Variants in SOS1 observed in about 807,000 individuals in gnomAD.
The protein encoded by SOS1 is SOS Ras/Rac guanine nucleotide exchange factor 1, also known as son of sevenless homolog 1.
In SOS1, 25 loss-of-function variants were observed where a neutral mutation model predicts 157.6. The ratio of observed to expected loss-of-function variants is 0.16; its 90% confidence interval spans 0.12 to 0.22. The LOEUF is 0.22. Among genes scored for constraint, SOS1 ranks in the 10% least tolerant of loss-of-function variants. The pLI, the probability that SOS1 is intolerant of heterozygous loss-of-function variation, is 1.00. For synonymous variants in SOS1, 528 were observed against 534.0 expected (o/e 0.99, Z 0.16); for missense variants, 1,237 against 1,599.1 (o/e 0.77, Z 3.86).
At chr2:38,989,793 T>A (rs1668675632) in intron 20 of SOS1, among the ~76,000 whole-genome samples, 1 of 152,116 alleles carries the variant, frequency 6.6e-6, no homozygotes, top group African/African-American at 2.4e-5. Context: ...ACTAGCACTT[T>A]GGATATAAAA....
chr2:39,040,211 G>A (rs867142514), intron 6 of SOS1, among the ~76,000 whole-genome samples: 3 of 151,674 alleles, frequency 2.0e-5, no homozygotes, highest in Admixed American at 1.3e-4. Flanking sequence ...TAGAGATGGC[G>A]TTTCACCGTG....
intron 6 of SOS1, among the ~76,000 whole-genome samples, chr2:39,046,119 A>G (rs1461120519): frequency 1.3e-5 from 2 of 152,322 alleles, no homozygotes; most frequent in Non-Finnish European, 2.9e-5. Flanking sequence ...TTTATATCAT[A>G]TCATTTTATC....
At chr2:39,074,006 C>T (rs1346342664) in intron 1 of SOS1, among the ~76,000 whole-genome samples, 2 of 152,154 alleles carry the variant, frequency 1.3e-5, no homozygotes, top group African/African-American at 2.4e-5. Flanking sequence ...GTGCTTATCA[C>T]TCTGAGGTTA....
At chr2:39,012,709 G>T (rs955462342) in intron 13 of SOS1, among the ~76,000 whole-genome samples, 1 of 151,958 alleles carries the variant, frequency 6.6e-6, no homozygotes, top group Admixed American at 6.6e-5. Flanking sequence ...TAAATCACAA[G>T]ATTTATAAGG....
intron 20 of SOS1, among the ~76,000 whole-genome samples, chr2:38,994,777 A>G (rs1030070749): frequency 3.9e-5 from 6 of 152,220 alleles, no homozygotes; most frequent in African/African-American, 1.4e-4. Context: ...CAGCATTTGA[A>G]ACATGGGACT....
intron 2 of SOS1, among the ~76,000 whole-genome samples, chr2:39,065,965 C>A (rs970955379): frequency 6.6e-6 from 1 of 152,142 alleles, no homozygotes; most frequent in East Asian, 1.9e-4. Flanking sequence ...CAGACTAGTG[C>A]ATAATACTAT....
intron 6 of SOS1, among the ~76,000 whole-genome samples, chr2:39,039,305 A>T (rs944323324): frequency 2.6e-5 from 4 of 152,220 alleles, no homozygotes; most frequent in Non-Finnish European, 4.4e-5. Flanking sequence ...TGCCTGTATA[A>T]CTTAGTGTGC....
Position 39,120,642 on chromosome 2 carries a change from G to A in SOS1, c.-220C>T, listed in dbSNP as rs1312828563. The A allele has an allele frequency of 1.4e-5, 4 of 286,944 alleles. No homozygotes were observed. Among genetic ancestry groups the A allele is most frequent in the Non-Finnish European group, 2.1e-5 (4 of 193,906 alleles). The allele number at this position is 286,944 out of a possible 1,614,324, so 17.8% of individuals were successfully genotyped here. A position where few individuals can be genotyped will look rare whatever the true frequency, so the allele number is the denominator to read the frequency against. ...ACACAGGTACCAGCCGTGGAGAACG[G>A]ACGCGGCCCGGAGGCGGCGGCATCC... is the stretch of plus-strand genomic sequence containing the variant. On this transcript the variant is annotated 5_prime_UTR_variant, in exon 1 of 23. Transcript: ENST00000402219.
At chr2:38,987,807 C>T in intron 21 of SOS1, 1 of 507,238 alleles carries the variant, frequency 2.0e-6, no homozygotes, top group Non-Finnish European at 3.5e-6. Context: ...AAAAAGCTGC[C>T]TAAGGTATTC....
chr2:39,091,010 C>G (rs138319618), intron 1 of SOS1, among the ~76,000 whole-genome samples: 1 of 151,968 alleles, frequency 6.6e-6, no homozygotes, highest in Non-Finnish European at 1.5e-5. Context: ...ATGGGACTAC[C>G]GGTGCACGCC....
chr2:39,122,062 G>T (rs968867540), upstream of SOS1, among the ~76,000 whole-genome samples: 1 of 152,178 alleles, frequency 6.6e-6, no homozygotes, highest in Non-Finnish European at 1.5e-5. Context: ...AACGAGAAAG[G>T]TTCAGTGGTT....
chr2:39,116,321 T>C (rs1325640210), intron 1 of SOS1, among the ~76,000 whole-genome samples: 6 of 152,218 alleles, frequency 3.9e-5, no homozygotes, highest in Non-Finnish European at 8.8e-5. Flanking sequence ...TCCATTACCA[T>C]TCCCCCAATC....
chr2:39,099,772 C>G (rs1412511777), intron 1 of SOS1, among the ~76,000 whole-genome samples: 1 of 152,128 alleles, frequency 6.6e-6, no homozygotes, highest in East Asian at 1.9e-4. Flanking sequence ...CAGAGTCTCA[C>G]TCTGTGCCCA....
At chr2:39,003,848 C>G (rs1291661603) in intron 17 of SOS1, among the ~76,000 whole-genome samples, 1 of 152,204 alleles carries the variant, frequency 6.6e-6, no homozygotes, top group East Asian at 1.9e-4. Context: ...TGTCTCAGCA[C>G]TGCTGACTTT....
chr2:39,089,528 T>TA (rs1335254884), intron 1 of SOS1, among the ~76,000 whole-genome samples: 3 of 17,322 alleles, frequency 1.7e-4, no homozygotes, highest in Non-Finnish European at 3.5e-4. Flanking sequence ...AGACTCTGTC[T>TA]CCAAAAAAAA....
intron 4 of SOS1, 35 bp from the exon 5 acceptor site, chr2:39,054,858 A>G: frequency 9.3e-7 from 1 of 1,071,822 alleles, no homozygotes; most frequent in Non-Finnish European, 1.4e-6. Flanking sequence ...GTATAATAAA[A>G]TATGAAGCTT....
At chr2:39,004,607 G>A (rs1313507323) in intron 17 of SOS1, among the ~76,000 whole-genome samples, 1 of 151,920 alleles carries the variant, frequency 6.6e-6, no homozygotes, top group African/African-American at 2.4e-5. Context: ...AAGAAAATAT[G>A]ATTATTACTA....
chr2:39,049,000 C>A (rs933674453), intron 6 of SOS1, among the ~76,000 whole-genome samples: 1 of 152,158 alleles, frequency 6.6e-6, no homozygotes, highest in African/African-American at 2.4e-5. Context: ...TCACTGCAGT[C>A]TCCACCTCCT....
intron 1 of SOS1, among the ~76,000 whole-genome samples, chr2:39,112,623 T>C (rs1289536290): frequency 6.6e-6 from 1 of 152,110 alleles, no homozygotes; most frequent in Non-Finnish European, 1.5e-5. Flanking sequence ...TCTAAGGCAC[T>C]GGTTGGCTCC....
Sources: allele counts gnomAD v4.1 joint callset (sites outside exome capture counted in the v4.1 genomes callset), GRCh38; gene constraint gnomAD v4.1.1; transcripts MANE v1.5; gene names NCBI Gene and HGNC (gene_info 2026-07-23, HGNC 2026-07-21).